CMTM6: variants seen among roughly 807,000 people sequenced by gnomAD.
The protein encoded by CMTM6 is CKLF-like MARVEL transmembrane domain-containing protein 6.
CMTM6 carries 5 observed loss-of-function variants against 13.6 expected under a neutral mutation model. The ratio of observed to expected loss-of-function variants is 0.37; its 90% CI spans 0.19 to 0.77. CMTM6 has a LOEUF of 0.77. Among genes scored for constraint, CMTM6 ranks in the 30% least tolerant of loss-of-function variants. The pLI is 0.50. For missense variants in CMTM6, 196 were observed against 218.6 expected (o/e 0.90, Z 0.65); for synonymous variants, 99 against 84.5 (o/e 1.17, Z -0.94).
In CMTM6 at chr3:32,483,975, C is replaced by A; in HGVS notation, c.537G>T (p.Glu179Asp). ...ENTTRAEALT[E>D]PLNA is the part of the protein sequence containing the mutation. ...CCCAGAGTCTTTAGGCATTAAGTGG[C>A]TCAGTGAGGGCTTCAGCCCTAGTGG... is the stretch of plus-strand genomic sequence containing the variant. The change falls in exon 4 of 4, where the codon GAG becomes GAT. Residue 179 changes from glutamate to aspartate, a missense_variant. Transcript: ENST00000205636. The A allele has an allele frequency of 1.2e-6, 2 of 1,604,554 alleles. No homozygotes were observed. Among genetic ancestry groups the A allele is most frequent in the Admixed American group, 1.7e-5 (1 of 57,294 alleles).
intron 3 of CMTM6, 196 bp downstream of exon 3, chr3:32,487,742 C>A: frequency 2.4e-6 from 1 of 418,918 alleles, no homozygotes; most frequent in Non-Finnish European, 4.3e-6. Context: ...AAACAAAATT[C>A]AGTCAAATTC....
At chr3:32,491,074 A>G (rs1235636758) in intron 2 of CMTM6, among the ~76,000 whole-genome samples, 2 of 152,246 alleles carry the variant, frequency 1.3e-5, no homozygotes, top group South Asian at 2.1e-4. Context: ...AGAAATTCCT[A>G]TAGTGATGGC....
intron 2 of CMTM6, among the ~76,000 whole-genome samples, chr3:32,490,767 G>A (rs1697243520): frequency 6.6e-6 from 1 of 152,020 alleles, no homozygotes; most frequent in Admixed American, 6.6e-5. Context: ...ATATTTTTAT[G>A]GTGATATTGT....
At chr3:32,491,615 T>C in intron 2 of CMTM6, 95 bp downstream of exon 2, 1 of 1,102,064 alleles carries the variant, frequency 9.1e-7, no homozygotes, top group Non-Finnish European at 1.3e-6. Flanking sequence ...CTTTTCATGT[T>C]GCTGAGTTTT....
chr3:32,491,398 G>A (rs764219160), intron 2 of CMTM6, among the ~76,000 whole-genome samples: 80 of 152,216 alleles, frequency 5.3e-4, no homozygotes, highest in Non-Finnish European at 8.5e-4. Flanking sequence ...TAGAACCAAT[G>A]AGTGACACTC....
At chr3:32,500,961 C>T (rs1255470988) in intron 1 of CMTM6, among the ~76,000 whole-genome samples, 7 of 150,608 alleles carry the variant, frequency 4.6e-5, no homozygotes, top group African/African-American at 9.8e-5. Context: ...TTGGGAGGCC[C>T]GGAGGGCGAA....
At position 32,482,254 on chromosome 3, in the gene CMTM6, T is replaced by C. The variant is rs1414282226; in HGVS notation, c.*1706A>G. 2.6e-5 allele frequency: 4 copies of C among 152,124 alleles called. No homozygotes were observed. The highest frequency in any genetic ancestry group is 1.9e-4 in the East Asian group (1 of 5,184). 9.4% of individuals were successfully genotyped at this position (152,124 alleles called of 1,614,324 possible). On this transcript the variant is annotated 3_prime_UTR_variant, in exon 4 of 4. Coordinates refer to ENST00000205636, the MANE Select transcript of CMTM6 (RefSeq NM_017801.3). Reference sequence around the variant, plus strand: ...AACTCTGATACAAATCCTAAAGGTATTGAGTCAGTAAGACAGAGCAGAAGC... The same window carrying C: ...AACTCTGATACAAATCCTAAAGGTACTGAGTCAGTAAGACAGAGCAGAAGC...
At chr3:32,491,468 A>G (rs1697249134) in intron 2 of CMTM6, among the ~76,000 whole-genome samples, 1 of 152,208 alleles carries the variant, frequency 6.6e-6, no homozygotes, top group Admixed American at 6.5e-5. Flanking sequence ...TGTGAATTAC[A>G]TTAAACCACC....
At chr3:32,486,465 A>G (rs753894474) in intron 3 of CMTM6, among the ~76,000 whole-genome samples, 16 of 152,196 alleles carry the variant, frequency 1.1e-4, no homozygotes, top group South Asian at 1.0e-3. Context: ...TTTACTTCAG[A>G]TATACCAATG....
chr3:32,493,043 G>A (rs2125657842), intron 1 of CMTM6, among the ~76,000 whole-genome samples: 1 of 152,280 alleles, frequency 6.6e-6, no homozygotes, highest in African/African-American at 2.4e-5. Flanking sequence ...GATAAATCTT[G>A]TAGTAAGTTA....
chr3:32,486,321 G>A (rs745567478), intron 3 of CMTM6, among the ~76,000 whole-genome samples: 3 of 152,316 alleles, frequency 2.0e-5, no homozygotes, highest in African/African-American at 2.4e-5. Flanking sequence ...TTACAATTCC[G>A]AAACCCAAAG....
At chr3:32,499,797 G>A (rs1298868367) in intron 1 of CMTM6, among the ~76,000 whole-genome samples, 2 of 150,386 alleles carry the variant, frequency 1.3e-5, no homozygotes, top group Non-Finnish European at 2.9e-5. Flanking sequence ...GAGAAGTTAC[G>A]TTCTTTTATC....
intron 1 of CMTM6, among the ~76,000 whole-genome samples, chr3:32,495,630 T>G (rs1697283784): frequency 1.3e-5 from 2 of 152,146 alleles, no homozygotes; most frequent in African/African-American, 4.8e-5. Flanking sequence ...ATTTTACAAT[T>G]AGACTATTAG....
intron 2 of CMTM6, among the ~76,000 whole-genome samples, chr3:32,490,851 G>A (rs931682766): frequency 6.6e-6 from 1 of 151,906 alleles, no homozygotes; most frequent in Admixed American, 6.6e-5. Context: ...CCAGAATTTG[G>A]AATATATACA....
In CMTM6 at chr3:32,502,812, C is replaced by T. The variant is rs554214710; in HGVS notation, c.-67G>A. The T allele has an allele frequency of 8.5e-4, 1,158 of 1,357,762 alleles. 27 individuals carry two copies. In the South Asian group the frequency reaches 0.017, roughly 20 times the overall value. 84.1% of individuals were successfully genotyped at this position (1,357,762 alleles called of 1,614,324 possible). A position where few individuals can be genotyped will look rare whatever the true frequency, so the allele number is the denominator to read the frequency against. On this transcript the variant is annotated 5_prime_UTR_variant, in exon 1 of 4. Transcript: ENST00000205636. ...GTTGACTTCTCGGACTCCAGAAGTC[C>T]CCGGTAGCCGGGAGGCGGCCGTCAC...
chr3:32,493,370 T>C (rs1210015845), intron 1 of CMTM6, among the ~76,000 whole-genome samples: 1 of 152,224 alleles, frequency 6.6e-6, no homozygotes, highest in Non-Finnish European at 1.5e-5. Flanking sequence ...AACTGCTGTA[T>C]ATGTGGTACT....
chr3:32,486,785 A>G (rs1010503715), intron 3 of CMTM6, among the ~76,000 whole-genome samples: 1 of 152,220 alleles, frequency 6.6e-6, no homozygotes, highest in African/African-American at 2.4e-5. Context: ...AAGTGACAGG[A>G]TCATGGGGCA....
chr3:32,494,266 C>G (rs1425661358), intron 1 of CMTM6, among the ~76,000 whole-genome samples: 7 of 152,080 alleles, frequency 4.6e-5, no homozygotes. Flanking sequence ...AGGGCCGAAA[C>G]CATCAAAATG....
chr3:32,481,495 G>C lies in CMTM6; in HGVS notation c.*2465C>G, dbSNP rs572691852. ...TAATTATAAAATTTTTGTACTGTGA[G>C]TTCATTTCTCTTATAATTCTTGAGA... is the stretch of plus-strand genomic sequence containing the variant. On this transcript the variant is annotated 3_prime_UTR_variant, in exon 4 of 4. Coordinates refer to ENST00000205636, the MANE Select transcript of CMTM6 (RefSeq NM_017801.3). The C allele has an allele frequency of 7.9e-5, 12 of 152,138 alleles. No homozygotes were observed. In the South Asian group the frequency reaches 2.5e-3, roughly 32 times the overall value. The allele number at this position is 152,138 out of a possible 1,614,324, so 9.4% of individuals were successfully genotyped here. A position where few individuals can be genotyped will look rare whatever the true frequency, so the allele number is the denominator to read the frequency against.
Sources: allele counts gnomAD v4.1 joint callset (sites outside exome capture counted in the v4.1 genomes callset), GRCh38; gene constraint gnomAD v4.1.1; transcripts MANE v1.5; gene names NCBI Gene and HGNC (gene_info 2026-07-23, HGNC 2026-07-21).